Variants in ETNK1 observed in about 807,000 individuals in gnomAD.
ETNK1 encodes ethanolamine kinase 1.
In ETNK1, 8 loss-of-function variants were observed where a neutral mutation model predicts 45.1. The ratio of observed to expected loss-of-function variants is 0.18; its 90% CI spans 0.10 to 0.32. The LOEUF (loss-of-function observed/expected upper bound fraction) is 0.32. ETNK1 is among the 10% of genes least tolerant of loss of function. The pLI is 1.00. For synonymous variants in ETNK1, 152 were observed against 151.9 expected, an observed-to-expected ratio of 1.00 and a Z score of -0.01; for missense variants, 302 against 430.6, an observed-to-expected ratio of 0.70 and a Z score of 2.64.
At chr12:22,672,438 T>C (rs1488138141) in intron 5 of ETNK1, among the ~76,000 whole-genome samples, 2 of 152,192 alleles carry the variant, frequency 1.3e-5, no homozygotes, top group Admixed American at 1.3e-4. Flanking sequence ...GAAAAAATTT[T>C]AATTTGATGT....
At chr12:22,652,157 G>T (rs948384028) in intron 2 of ETNK1, among the ~76,000 whole-genome samples, 45 of 152,024 alleles carry the variant, frequency 3.0e-4, no homozygotes, top group African/African-American at 9.9e-4. Flanking sequence ...ACACTTCAAG[G>T]TTCATTTATG....
rs778931431 is a variant in ETNK1, at chr12:22,643,829, G to T, written c.223G>T (p.Val75Phe). The T allele has an allele frequency of 6.2e-7, 1 of 1,613,314 alleles. No individual in the cohort carries two copies. Residue 75 changes from valine to phenylalanine, a missense_variant, in exon 2 of 8, where the codon GTC (valine) becomes TTC (phenylalanine). Coordinates refer to ENST00000266517, the MANE Select transcript of ETNK1 (RefSeq NM_018638.5). ...CGTGGGAAACACCATGGAGGATGTA[G>T]TCCTGGTGAGAATTTATGGCAATAA... ...CYVGNTMEDVVLVRIYGNKTE... is the reference protein window; with the variant it reads ...CYVGNTMEDVFLVRIYGNKTE...
chr12:22,643,927 A>G lies in ETNK1; in HGVS notation c.321A>G (p.Pro107=), dbSNP rs1953772309. 2 of 1,613,404 alleles carry G rather than the reference A, an allele frequency of 1.2e-6. No individual in the cohort carries two copies. The highest frequency in any genetic ancestry group is 1.3e-5 in the African/African-American group (1 of 74,866). The change falls in exon 2 of 8, where the codon CCA becomes CCG. Residue 107 remains proline, a synonymous_variant. Transcript: ENST00000266517. ...TGTTGCAGGCTCATGGGTGTGCACC[A>G]CAACTCTACTGTACCTTCAATAATG... The part of the protein sequence containing the change: ...FRVLQAHGCA[P]QLYCTFNNGL...
Position 22,643,875 on chromosome 12 carries a change from G to A in ETNK1, c.269G>A (p.Arg90Gln), listed in dbSNP as rs1953771636. ...YGNKTELLVDRDEEVKSFRVL... is the reference protein window; with the variant it reads ...YGNKTELLVDQDEEVKSFRVL... Reference sequence around the variant, plus strand: ...AATAAGACTGAGTTATTAGTCGATCGAGATGAGGAAGTAAAGAGTTTTCGA... The same window carrying A: ...AATAAGACTGAGTTATTAGTCGATCAAGATGAGGAAGTAAAGAGTTTTCGA... Residue 90 changes from arginine (R) to glutamine (Q), a missense_variant, in exon 2 of 8, where the codon CGA becomes CAA. Around this residue, in one of 3 missense-constraint regions of ETNK1, gnomAD observed 205 missense variants for 259.9 expected, o/e 0.79. Transcript: ENST00000266517. 6.2e-7 allele frequency: 1 copy of A among 1,613,450 alleles called. No homozygotes were observed. The highest frequency in any genetic ancestry group is 8.5e-7 in the Non-Finnish European group (1 of 1,179,534).
intron 6 of ETNK1, among the ~76,000 whole-genome samples, chr12:22,683,461 AT>A (rs921973874): frequency 6.6e-6 from 1 of 151,756 alleles, no homozygotes; most frequent in African/African-American, 2.4e-5. Context: ...AGGTTGAAAA[AT>A]TTTTTTTACA....
chr12:22,684,365 A>C (rs561836103), intron 6 of ETNK1, 118 bp from the exon 7 acceptor site: 1 of 685,958 alleles, frequency 1.5e-6, no homozygotes. Context: ...TTATATAAAA[A>C]GAACAGCAAG....
In ETNK1 at chr12:22,685,081, C is replaced by A; in HGVS notation, c.*127C>A. The stretch of plus-strand genomic sequence containing the variant: ...TGGTTATCTTGCTTTATAAATTATG[C>A]CTCTAAACAATCAAATCTATTTTTG... On this transcript the variant is annotated 3_prime_UTR_variant, in exon 8 of 8. Transcript: ENST00000266517. 1.7e-6 allele frequency: 1 copy of A among 604,968 alleles called. No homozygotes were observed. The highest frequency in any genetic ancestry group is 2.8e-6 in the Non-Finnish European group (1 of 356,844). The allele number at this position is 604,968 out of a possible 1,614,324, so 37.5% of individuals were successfully genotyped here.
At chr12:22,639,672 CAAAAA>C (rs61530753) in intron 1 of ETNK1, among the ~76,000 whole-genome samples, 1 of 138,512 alleles carries the variant, frequency 7.2e-6, no homozygotes, top group Non-Finnish European at 1.6e-5. Context: ...CTGAGACTCT[CAAAAA>C]AAAAAAGAGG....
intron 1 of ETNK1, among the ~76,000 whole-genome samples, chr12:22,639,241 TG>T (rs776224532): frequency 1.5e-4 from 23 of 152,080 alleles, no homozygotes; most frequent in Non-Finnish European, 3.2e-4. Flanking sequence ...TTTAGAGAAG[TG>T]GGGTTTTACC....
At chr12:22,645,724 G>A (rs549643261) in intron 2 of ETNK1, among the ~76,000 whole-genome samples, 21 of 151,656 alleles carry the variant, frequency 1.4e-4, no homozygotes, top group African/African-American at 4.6e-4. Flanking sequence ...GGACATTACA[G>A]TTCTTCTTTT....
chr12:22,646,731 C>T (rs1402235449), intron 2 of ETNK1, among the ~76,000 whole-genome samples: 2 of 151,708 alleles, frequency 1.3e-5, no homozygotes, highest in Non-Finnish European at 3.0e-5. Context: ...TAGCTGTATG[C>T]TTATATTATG....
intron 6 of ETNK1, among the ~76,000 whole-genome samples, chr12:22,680,545 A>G (rs1299818759): frequency 6.6e-6 from 1 of 152,084 alleles, no homozygotes; most frequent in Non-Finnish European, 1.5e-5. Context: ...GTGTACTTAG[A>G]AGCTTATTCC....
chr12:22,681,292 A>G (rs1343551881), intron 6 of ETNK1, among the ~76,000 whole-genome samples: 2 of 152,084 alleles, frequency 1.3e-5, no homozygotes, highest in African/African-American at 2.4e-5. Context: ...ATATAAGTAT[A>G]TGAATAAAAA....
chr12:22,640,332 G>A (rs1382099725), intron 1 of ETNK1, among the ~76,000 whole-genome samples: 1 of 151,068 alleles, frequency 6.6e-6, no homozygotes, highest in Admixed American at 6.6e-5. Flanking sequence ...AAAACCAAAC[G>A]CATATAGGGT....
chr12:22,684,304 T>C (rs1954240022), intron 6 of ETNK1, among the ~76,000 whole-genome samples, 179 bp from the exon 7 acceptor site: 1 of 152,126 alleles, frequency 6.6e-6, no homozygotes. Context: ...GAAAGTGATC[T>C]GTAGCCATCT....
In ETNK1 at chr12:22,690,432, T is replaced by C. The variant is rs1258341995; in HGVS notation, c.*5478T>C. 1 of 152,548 alleles carries C rather than the reference T, an allele frequency of 6.6e-6. No homozygotes were observed. Among genetic ancestry groups the C allele is most frequent in the Non-Finnish European group, 1.5e-5 (1 of 67,948 alleles). 9.4% of individuals were successfully genotyped at this position (152,548 alleles called of 1,614,324 possible). A position where few individuals can be genotyped will look rare whatever the true frequency, so the allele number is the denominator to read the frequency against. ...AAAATGAGGTTGGCAGTGAAGAAAA[T>C]TAAAAACAGCCTCATTCATGTAACT... is the stretch of plus-strand genomic sequence containing the variant. On this transcript the variant is annotated 3_prime_UTR_variant, in exon 8 of 8. Transcript: ENST00000266517.
In ETNK1 at chr12:22,637,557, G is replaced by A. The variant is rs374582478; in HGVS notation, c.157-6206G>A. Among the ~76,000 whole-genome samples, 22 of 152,316 alleles carry A rather than the reference G, an allele frequency of 1.4e-4. 1 individual carries two copies. The highest frequency in any genetic ancestry group is 5.1e-4 in the African/African-American group (21 of 41,576). ...TATGTGCACATGTGCCTTTGTATGT[G>A]TTGGGGATATAGCAGAGCTTTTTTG... On this transcript the variant is annotated intron_variant, in intron 1 of 7. Coordinates refer to ENST00000266517, the MANE Select transcript of ETNK1 (RefSeq NM_018638.5).
intron 6 of ETNK1, among the ~76,000 whole-genome samples, chr12:22,683,644 A>G (rs1306755709): frequency 6.6e-6 from 1 of 152,152 alleles, no homozygotes; most frequent in East Asian, 1.9e-4. Flanking sequence ...ATTCAAATTA[A>G]GAATTCTTTT....
At chr12:22,662,451 GTGGTGTAA>G (rs1276173911) in intron 4 of ETNK1, among the ~76,000 whole-genome samples, 1 of 147,650 alleles carries the variant, frequency 6.8e-6, no homozygotes, top group Non-Finnish European at 1.5e-5. Flanking sequence ...CTGGAATGCA[GTGGTGTAA>G]TCATGGCTCA....
Sources: gnomAD v4.1 joint callset for allele counts (sites outside exome capture counted in the v4.1 genomes callset) on GRCh38, gnomAD v4.1.1 for gene constraint, gnomAD v4.1.1 regional missense constraint, MANE v1.5 for transcripts, NCBI Gene and HGNC (gene_info 2026-07-23, HGNC 2026-07-21) for gene names.